The following CHD1L variants were observed in gnomAD, a reference collection of about 807,000 sequenced individuals.
CHD1L encodes chromodomain helicase DNA binding protein 1 like.
A neutral mutation model predicts 115.9 loss-of-function variants in CHD1L; 118 were observed. That is an observed-to-expected ratio of 1.02 (90% CI 0.88 to 1.19). The LOEUF is 1.19. Among genes scored for constraint, CHD1L ranks in the 50% most tolerant of loss-of-function variants. The probability of loss-of-function intolerance (pLI) is 0.00; values close to 1 mark genes in which losing one functional copy is unlikely to be tolerated. For synonymous variants in CHD1L, 411 were observed against 387.1 expected, an observed-to-expected ratio of 1.06 and a Z score of -0.72; for missense variants, 1,179 against 1,065.3, an observed-to-expected ratio of 1.11 and a Z score of -1.49.
At chr1:147,178,067 C>A in the CHD1L span, 1 of 1,116,082 alleles carries the variant, frequency 9.0e-7, no homozygotes. Flanking sequence ...GCCGCAGTCC[C>A]AGTCGAGCCG....
the CHD1L span, among the ~76,000 whole-genome samples, chr1:147,233,385 C>T: frequency 1.3e-5 from 2 of 150,388 alleles, no homozygotes; most frequent in African/African-American, 4.9e-5. Flanking sequence ...GGGGGTCAGC[C>T]CCCCGCCCGG....
chr1:147,251,011 G>C (rs946275329), intron 1 of CHD1L, among the ~76,000 whole-genome samples: 2 of 152,182 alleles, frequency 1.3e-5, no homozygotes, highest in African/African-American at 2.4e-5. Flanking sequence ...CTTGCCTGCT[G>C]CCATGTAAGA....
intron 9 of CHD1L, among the ~76,000 whole-genome samples, chr1:147,268,306 A>T (rs1210129672): frequency 6.6e-6 from 1 of 151,798 alleles, no homozygotes. Flanking sequence ...GGCCATGGAG[A>T]CTCTAGATAG....
intron 14 of CHD1L, among the ~76,000 whole-genome samples, chr1:147,276,690 T>TA (rs1678596049): frequency 6.6e-6 from 1 of 152,098 alleles, no homozygotes; most frequent in African/African-American, 2.4e-5. Flanking sequence ...AATTGTGCCT[T>TA]AGAAAAAATG....
chr1:147,179,551 TACA>T, the CHD1L span: 80 of 1,586,314 alleles, frequency 5.0e-5, 1 homozygote, highest in East Asian at 2.9e-4. Context: ...ATTAGCTATC[TACA>T]ACGAGAAGCT....
rs1678337307 is a variant in CHD1L, at chr1:147,276,104, G to A, written c.1386G>A (p.Lys462=). The A allele has an allele frequency of 1.9e-6, 3 of 1,613,968 alleles. No individual in the cohort carries two copies. The highest frequency in any genetic ancestry group is 2.5e-6 in the Non-Finnish European group (3 of 1,179,926). ...AARAHRIGQN[K]SVKVIRLIGR... ...CTACCCTTGTTTGACTTATGTCCAG[G>A]TCTGTTAAAGTTATTCGGCTGATTG... The change falls in exon 14 of 23, where the codon AAG becomes AAA. Residue 462 remains lysine, a splice_region_variant and synonymous_variant. Coordinates refer to ENST00000369258, the MANE Select transcript of CHD1L (RefSeq NM_004284.6).
At chr1:147,233,347 G>A in the CHD1L span, among the ~76,000 whole-genome samples, 7,757 of 145,812 alleles carry the variant, frequency 0.053, 169 homozygotes, top group East Asian at 0.085. Context: ...CCCCTGCCAG[G>A]CCAGCCGCCC....
intron 3 of CHD1L, 64 bp downstream of exon 3, chr1:147,255,040 T>C: frequency 8.1e-7 from 1 of 1,236,246 alleles, no homozygotes. Flanking sequence ...TTCTGGATGA[T>C]GTATAAAATA....
At chr1:147,193,811 G>A in the CHD1L span, among the ~76,000 whole-genome samples, 5,614 of 152,218 alleles carry the variant, frequency 0.037, 155 homozygotes, top group South Asian at 0.095. Flanking sequence ...ATGTAGTTGA[G>A]TGGTTTTGAG....
At chr1:147,282,947 A>G (rs1420782616) in intron 15 of CHD1L, among the ~76,000 whole-genome samples, 1 of 152,244 alleles carries the variant, frequency 6.6e-6, no homozygotes, top group Non-Finnish European at 1.5e-5. Flanking sequence ...CTGGTAGGAT[A>G]GAGACGCGGG....
chr1:147,243,365 G>A (rs1408140691), intron 1 of CHD1L, among the ~76,000 whole-genome samples: 2 of 151,316 alleles, frequency 1.3e-5, no homozygotes, highest in Non-Finnish European at 2.9e-5. Flanking sequence ...CTCAAGCAAA[G>A]CACTGTTTAT....
At chr1:147,179,694 A>C in the CHD1L span, 1 of 834,632 alleles carries the variant, frequency 1.2e-6, no homozygotes, top group South Asian at 1.4e-5. Context: ...ACTGGGGAGG[A>C]CTAGGACCCA....
chr1:147,240,919 A>G (rs945620149), upstream of CHD1L, among the ~76,000 whole-genome samples: 10 of 152,286 alleles, frequency 6.6e-5, no homozygotes, highest in South Asian at 2.1e-4. Flanking sequence ...GGCTGGTGCC[A>G]GCGCAGGTCC....
chr1:147,288,392 A>G (rs1684238379), intron 19 of CHD1L, among the ~76,000 whole-genome samples: 1 of 151,270 alleles, frequency 6.6e-6, no homozygotes, highest in South Asian at 2.1e-4. Context: ...ATGTCATGAA[A>G]ATATCAAAGA....
chr1:147,191,546 A>G, the CHD1L span, among the ~76,000 whole-genome samples: 267 of 151,798 alleles, frequency 1.8e-3, no homozygotes, highest in African/African-American at 6.1e-3. Flanking sequence ...TTTTTTTCTT[A>G]TAAACTTGTT....
chr1:147,224,815 G>C, the CHD1L span: 50 of 1,439,168 alleles, frequency 3.5e-5, no homozygotes, highest in Non-Finnish European at 4.7e-5. Context: ...CCGGCCACCT[G>C]ACACTGTTAA....
At chr1:147,174,116 G>T in the CHD1L span, among the ~76,000 whole-genome samples, 1 of 151,814 alleles carries the variant, frequency 6.6e-6, no homozygotes, top group Non-Finnish European at 1.5e-5. Flanking sequence ...CCTATTCTTT[G>T]CTCTGCCTCT....
the CHD1L span, chr1:147,178,792 A>C: frequency 6.2e-7 from 1 of 1,605,052 alleles, no homozygotes; most frequent in South Asian, 1.1e-5. Context: ...AGTGCAAAAA[A>C]TGACCAGTGG....
the CHD1L span, among the ~76,000 whole-genome samples, chr1:147,189,273 A>G: frequency 1.7e-5 from 1 of 58,374 alleles, no homozygotes; most frequent in African/African-American, 1.0e-4. Flanking sequence ...ACTCCGTCTA[A>G]AAAAAAAAAA....
Sources: allele counts gnomAD v4.1 joint callset (sites outside exome capture counted in the v4.1 genomes callset), GRCh38; gene constraint gnomAD v4.1.1; transcripts MANE v1.5; gene names NCBI Gene and HGNC (gene_info 2026-07-23, HGNC 2026-07-21).